Variants in DLG5 observed in about 807,000 individuals in gnomAD.
DLG5 encodes disks large homolog 5.
DLG5 carries 48 observed loss-of-function variants against 189.8 expected under a neutral mutation model. The ratio of observed to expected loss-of-function variants is 0.25; its 90% confidence interval spans 0.20 to 0.32. The LOEUF (loss-of-function observed/expected upper bound fraction) is 0.32, where lower values mean the gene tolerates loss of function less well. Ranked by LOEUF, DLG5 falls within the 10% of genes least tolerant of loss-of-function variation. The probability of loss-of-function intolerance (pLI) is 1.00; values close to 1 mark genes in which losing one functional copy is unlikely to be tolerated. For missense variants in DLG5, 2,160 were observed against 2,544.7 expected, an observed-to-expected ratio of 0.85 and a Z score of 3.25; for synonymous variants, 1,016 against 1,054.1, an observed-to-expected ratio of 0.96 and a Z score of 0.70.
At chr10:77,800,067 T>C (rs887605616) in intron 27 of DLG5, among the ~76,000 whole-genome samples, 4 of 152,108 alleles carry the variant, frequency 2.6e-5, no homozygotes, top group South Asian at 2.1e-4. Context: ...ACTTAGACCA[T>C]TGCAGGTGGG....
intron 9 of DLG5, 77 bp downstream of exon 9, chr10:77,833,837 T>C (rs781115029): frequency 5.1e-5 from 80 of 1,570,544 alleles, no homozygotes; most frequent in Middle Eastern, 2.2e-4. Flanking sequence ...GCACTCAGCA[T>C]TGCCTTGCCC....
intron 5 of DLG5, among the ~76,000 whole-genome samples, chr10:77,846,267 C>T (rs1843687779): frequency 6.6e-6 from 1 of 152,182 alleles, no homozygotes; most frequent in Non-Finnish European, 1.5e-5. Flanking sequence ...GAAGAATGGG[C>T]TCACCATGAC....
Position 77,854,147 on chromosome 10 carries a change from G to C in DLG5, c.680+80C>G, listed in dbSNP as rs139868547. ...GACAGGACTAGAACCAGAACCCCTGGCTACTAAGTCCAGAGAAAAGAAGGG... is the reference window on the plus strand; with the variant it reads ...GACAGGACTAGAACCAGAACCCCTGCCTACTAAGTCCAGAGAAAAGAAGGG... On this transcript the variant is annotated intron_variant, in intron 4 of 31. Coordinates refer to ENST00000372391, the MANE Select transcript of DLG5 (RefSeq NM_004747.4). 3.1e-3 allele frequency: 4,834 copies of C among 1,537,028 alleles called. 60 individuals carry two copies. Among genetic ancestry groups the C allele is most frequent in the South Asian group, 0.028 (2,251 of 80,006 alleles).
intron 5 of DLG5, among the ~76,000 whole-genome samples, chr10:77,847,951 C>T (rs571970726): frequency 6.6e-5 from 10 of 152,246 alleles, no homozygotes; most frequent in Admixed American, 2.6e-4. Flanking sequence ...AAGTGATACA[C>T]CCACTTTGGC....
intron 1 of DLG5, among the ~76,000 whole-genome samples, chr10:77,891,573 GACACACACACAC>G (rs55688664): frequency 1.4e-4 from 20 of 140,578 alleles, no homozygotes; most frequent in South Asian, 4.8e-4. Flanking sequence ...TCCCCCAACA[GACACACACACAC>G]ACACACACAC....
intron 27 of DLG5, among the ~76,000 whole-genome samples, chr10:77,802,104 C>T (rs982217656): frequency 2.0e-5 from 3 of 152,200 alleles, no homozygotes; most frequent in African/African-American, 7.2e-5. Context: ...AGGCTCTCTC[C>T]TCAAGCCCGG....
At chr10:77,878,333 G>A (rs898004895) in intron 1 of DLG5, among the ~76,000 whole-genome samples, 1 of 152,232 alleles carries the variant, frequency 6.6e-6, no homozygotes, top group Non-Finnish European at 1.5e-5. Context: ...AGTAGGTGAT[G>A]AGAACAGAAT....
Position 77,852,679 on chromosome 10 carries a change from G to A in DLG5, c.864+675C>T, listed in dbSNP as rs1027609048. On this transcript the variant is annotated intron_variant, in intron 5 of 31. Transcript: ENST00000372391. ...GCCTGCCTCGGCCTCCCAAAGTGCT[G>A]GGATTACAGGCGTGAGCCACCGCAC... Among the ~76,000 whole-genome samples the A allele has an allele frequency of 4.0e-4, 61 of 152,106 alleles. 1 individual carries two copies. Among genetic ancestry groups the A allele is most frequent in the Non-Finnish European group, 1.5e-4 (10 of 68,022 alleles).
intron 1 of DLG5, among the ~76,000 whole-genome samples, chr10:77,871,686 G>GA (rs1844908091): frequency 1.3e-5 from 2 of 151,682 alleles, no homozygotes; most frequent in African/African-American, 4.8e-5. Flanking sequence ...GGGATTACAG[G>GA]TGCCCACCAC....
intron 1 of DLG5, among the ~76,000 whole-genome samples, chr10:77,900,481 C>T (rs962844129): frequency 3.9e-5 from 6 of 152,182 alleles, no homozygotes; most frequent in African/African-American, 1.2e-4. Context: ...ACCTTCACCC[C>T]GGGGCCCCCT....
At chr10:77,835,587 G>A (rs1466931143) in intron 8 of DLG5, 151 bp downstream of exon 8, 6 of 776,236 alleles carry the variant, frequency 7.7e-6, no homozygotes. Flanking sequence ...GCAAGGCTAG[G>A]GCATCAACTA....
chr10:77,814,895 T>C (rs1028064015), intron 20 of DLG5, among the ~76,000 whole-genome samples: 4 of 152,226 alleles, frequency 2.6e-5, no homozygotes, highest in Middle Eastern at 6.8e-3. Context: ...TGATTTTCCA[T>C]AACAAGTATA....
chr10:77,885,515 G>A (rs1482361370), intron 1 of DLG5, among the ~76,000 whole-genome samples: 2 of 152,132 alleles, frequency 1.3e-5, no homozygotes, highest in South Asian at 2.1e-4. Context: ...CCACATCCAC[G>A]ACCCTGGAGT....
intron 20 of DLG5, chr10:77,816,140 G>A (rs1253129894): frequency 1.0e-5 from 5 of 487,934 alleles, no homozygotes; most frequent in Non-Finnish European, 2.0e-5. Flanking sequence ...GTGGCCACAG[G>A]TCTGTCACTC....
At chr10:77,937,150 G>C in the DLG5 span, among the ~76,000 whole-genome samples, 1 of 152,216 alleles carries the variant, frequency 6.6e-6, no homozygotes, top group East Asian at 1.9e-4. Context: ...GAGCTTGGCT[G>C]TCTTCTAACT....
chr10:77,808,057 G>A, intron 24 of DLG5, 113 bp from the exon 25 acceptor site: 2 of 1,307,828 alleles, frequency 1.5e-6, no homozygotes, highest in East Asian at 2.5e-5. Flanking sequence ...CTCCTTAACT[G>A]AGACTCTGGC....
chr10:77,881,407 C>G (rs1845278400), intron 1 of DLG5, among the ~76,000 whole-genome samples: 1 of 152,130 alleles, frequency 6.6e-6, no homozygotes, highest in Non-Finnish European at 1.5e-5. Flanking sequence ...AGCACTGTGG[C>G]CAAGGCCATC....
rs151199079 is a variant in DLG5, at chr10:77,850,467, T to G, written c.864+2887A>C. 2.1e-3 allele frequency among the ~76,000 whole-genome samples: 326 copies of G among 152,342 alleles called. 1 individual carries two copies. The highest frequency in any genetic ancestry group is 7.6e-3 in the African/African-American group (318 of 41,574). ...ATCGGTCAGTAGACCTTTGGGTTGT[T>G]ACCGGTTTTGGGCTGCTATGAATAT... On this transcript the variant is annotated intron_variant, in intron 5 of 31. Coordinates refer to ENST00000372391, the MANE Select transcript of DLG5 (RefSeq NM_004747.4).
intron 26 of DLG5, chr10:77,806,182 A>G (rs931861818): frequency 8.5e-6 from 3 of 352,224 alleles, no homozygotes; most frequent in Non-Finnish European, 1.5e-5. Flanking sequence ...CTGCCATAGA[A>G]GGGAAATGAT....
Sources: gnomAD v4.1 joint callset for allele counts (sites outside exome capture counted in the v4.1 genomes callset) on GRCh38, gnomAD v4.1.1 for gene constraint, MANE v1.5 for transcripts, NCBI Gene and HGNC (gene_info 2026-07-23, HGNC 2026-07-21) for gene names.